The following CPLANE1 variants were observed in gnomAD, a reference collection of about 807,000 sequenced individuals.
CPLANE1 encodes the protein ciliogenesis and planar polarity effector complex subunit 1, also known as ciliogenesis and planar polarity effector 1.
Under a neutral mutation model 362.5 loss-of-function variants are expected in CPLANE1, and 263 were observed. The ratio of observed to expected loss-of-function variants is 0.73; its 90% CI spans 0.66 to 0.80. The LOEUF (loss-of-function observed/expected upper bound fraction) is 0.80. Among genes scored for constraint, CPLANE1 ranks in the 30% least tolerant of loss-of-function variants. CPLANE1 has a pLI of 0.00. For synonymous variants in CPLANE1, 1,212 were observed against 1,302.6 expected, an observed-to-expected ratio of 0.93 and a Z score of 1.50; for missense variants, 3,461 against 3,793.4, an observed-to-expected ratio of 0.91 and a Z score of 2.30.
chr5:37,200,945 T>C (rs1789000161), intron 19 of CPLANE1, among the ~76,000 whole-genome samples: 1 of 152,178 alleles, frequency 6.6e-6, no homozygotes, highest in African/African-American at 2.4e-5. Flanking sequence ...CACTTCAGCC[T>C]ACTGAGTAGC....
At chr5:37,206,583 C>T (rs537045370) in intron 16 of CPLANE1, among the ~76,000 whole-genome samples, 158 bp from the exon 17 acceptor site, 1 of 152,060 alleles carries the variant, frequency 6.6e-6, no homozygotes, top group Non-Finnish European at 1.5e-5. Context: ...TGCCCTAGAA[C>T]ACTTTTAACA....
intron 19 of CPLANE1, among the ~76,000 whole-genome samples, chr5:37,199,877 A>C (rs554314864): frequency 5.9e-5 from 9 of 152,328 alleles, no homozygotes; most frequent in African/African-American, 2.2e-4. Flanking sequence ...TGTTTAAAGG[A>C]CAGGCATGTG....
intron 16 of CPLANE1, among the ~76,000 whole-genome samples, chr5:37,208,533 C>T (rs1462976171): frequency 6.6e-6 from 1 of 152,080 alleles, no homozygotes; most frequent in Non-Finnish European, 1.5e-5. Flanking sequence ...AAAAATTAGC[C>T]CAGCGAGGTG....
At chr5:37,133,647 T>A (rs1452148659) in intron 46 of CPLANE1, among the ~76,000 whole-genome samples, 9 of 152,150 alleles carry the variant, frequency 5.9e-5, no homozygotes, top group Non-Finnish European at 1.3e-4. Flanking sequence ...TTTACTGAAG[T>A]CATTTATCAG....
chr5:37,106,954 A>G lies in CPLANE1; in HGVS notation c.*648T>C. 1.0e-6 allele frequency: 1 copy of G among 985,422 alleles called. No individual in the cohort carries two copies. Among genetic ancestry groups the G allele is most frequent in the Non-Finnish European group, 1.2e-6 (1 of 829,908 alleles). 61.0% of individuals were successfully genotyped at this position (985,422 alleles called of 1,614,324 possible). Reference sequence around the variant, plus strand: ...CTTACAAATTTAAGATGAGCCTTCTAGAGGCCGGAGTCATATTCCCTTACT... The same window carrying G: ...CTTACAAATTTAAGATGAGCCTTCTGGAGGCCGGAGTCATATTCCCTTACT... On this transcript the variant is annotated 3_prime_UTR_variant, in exon 53 of 53. Coordinates refer to ENST00000651892, the MANE Select transcript of CPLANE1 (RefSeq NM_001384732.1).
At chr5:37,122,867 CA>C (rs1763058674) in intron 47 of CPLANE1, among the ~76,000 whole-genome samples, 1 of 151,950 alleles carries the variant, frequency 6.6e-6, no homozygotes, top group Non-Finnish European at 1.5e-5. Flanking sequence ...GGCAACAGAG[CA>C]AGGCTCCGTT....
At chr5:37,117,933 A>C (rs1381738872) in intron 50 of CPLANE1, among the ~76,000 whole-genome samples, 1 of 152,242 alleles carries the variant, frequency 6.6e-6, no homozygotes, top group Non-Finnish European at 1.5e-5. Context: ...ATCAGATGTT[A>C]AGAAACCATG....
At chr5:37,223,688 C>T (rs575063731) in intron 14 of CPLANE1, among the ~76,000 whole-genome samples, 1 of 152,160 alleles carries the variant, frequency 6.6e-6, no homozygotes, top group Non-Finnish European at 1.5e-5. Flanking sequence ...AAAAACTCCT[C>T]GAAGCCCATA....
At chr5:37,092,408 C>T in the CPLANE1 span, among the ~76,000 whole-genome samples, 1 of 152,232 alleles carries the variant, frequency 6.6e-6, no homozygotes, top group Non-Finnish European at 1.5e-5. Context: ...CCAGGTAATG[C>T]AATCAATGCC....
At chr5:37,240,328 C>T (rs979893966) in intron 6 of CPLANE1, among the ~76,000 whole-genome samples, 2 of 151,708 alleles carry the variant, frequency 1.3e-5, no homozygotes, top group African/African-American at 4.8e-5. Context: ...CCAGCCTGGG[C>T]GACAGAGTGA....
chr5:37,202,989 C>A (rs1057102877), intron 18 of CPLANE1, among the ~76,000 whole-genome samples: 2 of 151,382 alleles, frequency 1.3e-5, no homozygotes, highest in African/African-American at 4.8e-5. Context: ...TCAGATTCAT[C>A]TTTTCCAGTT....
intron 46 of CPLANE1, 157 bp downstream of exon 46, chr5:37,138,563 G>T: frequency 1.2e-6 from 1 of 806,134 alleles, no homozygotes; most frequent in Non-Finnish European, 2.1e-6. Flanking sequence ...TAGAGAAAAG[G>T]GAAGAATGAC....
chr5:37,177,586 A>G (rs1781527383), intron 30 of CPLANE1, 35 bp downstream of exon 30: 1 of 1,464,142 alleles, frequency 6.8e-7, no homozygotes, highest in Non-Finnish European at 9.6e-7. Flanking sequence ...TGAGGTAACC[A>G]GTGACAATCA....
At chr5:37,164,045 G>A (rs73750945) in intron 37 of CPLANE1, among the ~76,000 whole-genome samples, 18 of 152,242 alleles carry the variant, frequency 1.2e-4, no homozygotes, top group African/African-American at 3.4e-4. Flanking sequence ...CCACCACTGC[G>A]TATCCTTTAT....
intron 15 of CPLANE1, among the ~76,000 whole-genome samples, chr5:37,220,393 A>G (rs1262893877): frequency 6.6e-6 from 1 of 152,196 alleles, no homozygotes; most frequent in Non-Finnish European, 1.5e-5. Flanking sequence ...AACATCTAGC[A>G]GTCTACCACC....
At chr5:37,233,973 C>A (rs1366480695) in intron 8 of CPLANE1, among the ~76,000 whole-genome samples, 1 of 152,146 alleles carries the variant, frequency 6.6e-6, no homozygotes, top group Admixed American at 6.5e-5. Flanking sequence ...TGCCACCAAC[C>A]CTGTGTACTA....
rs892839110 is a variant in CPLANE1 at position 37,114,863 on chromosome 5, C to T, written c.9400+97G>A. 1.3e-5 allele frequency: 9 copies of T among 696,260 alleles called. No homozygotes were observed. The African/African-American group carries it at 1.6e-4, about 13-fold the overall frequency. The allele number at this position is 696,260 out of a possible 1,614,324, so 43.1% of individuals were successfully genotyped here. ...ACAGTGAGCCGACATTGCACCACTGCACTCCAGACTGGGCAACAGAGTGAG... is the reference window on the plus strand; with the variant it reads ...ACAGTGAGCCGACATTGCACCACTGTACTCCAGACTGGGCAACAGAGTGAG... On this transcript the variant is annotated intron_variant, in intron 51 of 52. Transcript: ENST00000651892.
intron 1 of CPLANE1, 53 bp from the exon 2 acceptor site, chr5:37,247,798 A>ATTTTT: frequency 2.9e-6 from 3 of 1,031,686 alleles, no homozygotes; most frequent in Non-Finnish European, 3.9e-6. Flanking sequence ...TTCACTGGGC[A>ATTTTT]TTTTTTTTTT....
At chr5:37,092,711 T>C in the CPLANE1 span, among the ~76,000 whole-genome samples, 1 of 152,202 alleles carries the variant, frequency 6.6e-6, no homozygotes, top group Non-Finnish European at 1.5e-5. Context: ...CAAGACACTT[T>C]ATGGCACCTG....
Sources: gnomAD v4.1 joint callset for allele counts (sites outside exome capture counted in the v4.1 genomes callset) on GRCh38, gnomAD v4.1.1 for gene constraint, MANE v1.5 for transcripts, NCBI Gene and HGNC (gene_info 2026-07-23, HGNC 2026-07-21) for gene names.